Variants in DPP6 observed in about 807,000 individuals in gnomAD.
DPP6 encodes the protein A-type potassium channel modulatory protein DPP6.
Under a neutral mutation model 122.6 loss-of-function variants are expected in DPP6, and 69 were observed. The observed-to-expected ratio is 0.56, with a 90% CI of 0.46 to 0.69. The LOEUF is 0.69. Among genes scored for constraint, DPP6 ranks in the 30% least tolerant of loss-of-function variants. The probability of loss-of-function intolerance (pLI) is 0.00; values close to 1 mark genes in which losing one functional copy is unlikely to be tolerated. For missense variants in DPP6, 928 were observed against 1,116.9 expected, an observed-to-expected ratio of 0.83 and a Z score of 2.41; for synonymous variants, 418 against 433.1, an observed-to-expected ratio of 0.97 and a Z score of 0.43.
Position 154,880,879 on chromosome 7 carries a change from A to G in DPP6, c.2079-9A>G. On this transcript the variant is annotated splice_polypyrimidine_tract_variant and intron_variant, in intron 20 of 25. Transcript: ENST00000377770. ...CACTGAACCCTCTTTCCCCTCCTCG[A>G]CCTCACAGGACGATGCTGAAGGAGC... The G allele has an allele frequency of 2.5e-6, 4 of 1,613,912 alleles. No individual in the cohort carries two copies. The highest frequency in any genetic ancestry group is 2.5e-6 in the Non-Finnish European group (3 of 1,179,876).
rs368487868 is a variant in DPP6, at chr7:154,024,112, T to C, written c.51+136378T>C. On this transcript the variant is annotated intron_variant, in intron 1 of 25. Transcript: ENST00000404039. ...TAATTTCCTTCTCAGCTGTAAAATATCTCTTTATAAGAGGTGTGGGCGAGA... is the reference window on the plus strand; with the variant it reads ...TAATTTCCTTCTCAGCTGTAAAATACCTCTTTATAAGAGGTGTGGGCGAGA... 5.9e-5 allele frequency among the ~76,000 whole-genome samples: 9 copies of C among 152,288 alleles called. No homozygotes were observed. The East Asian group carries it at 9.7e-4, about 16-fold the overall frequency.
At chr7:153,916,412 TCCTCCCCTCCCCTCC>T (rs940975832) in intron 1 of DPP6, among the ~76,000 whole-genome samples, 1 of 83,050 alleles carries the variant, frequency 1.2e-5, no homozygotes, top group African/African-American at 4.8e-5. Flanking sequence ...CCCTCCTCTC[TCCTCCCCTCCCCTCC>T]CCTCTTCGAA....
intron 17 of DPP6, among the ~76,000 whole-genome samples, chr7:154,864,546 C>CA (rs1179781944): frequency 6.6e-6 from 1 of 152,200 alleles, no homozygotes; most frequent in East Asian, 1.9e-4. Context: ...AAAAGTCCTT[C>CA]AGGGAATATG....
At chr7:154,554,676 G>C (rs1829887528) in intron 4 of DPP6, among the ~76,000 whole-genome samples, 1 of 152,094 alleles carries the variant, frequency 6.6e-6, no homozygotes, top group African/African-American at 2.4e-5. Flanking sequence ...ATTTAAACTT[G>C]TGTTATTGAT....
the DPP6 span, among the ~76,000 whole-genome samples, chr7:153,812,616 C>T: frequency 7.9e-5 from 12 of 152,248 alleles, no homozygotes; most frequent in Admixed American, 7.2e-4. Context: ...ATGAATGAGT[C>T]AAAGCTCTAC....
chr7:154,630,979 T>C (rs1305212849), intron 5 of DPP6, among the ~76,000 whole-genome samples: 1 of 151,968 alleles, frequency 6.6e-6, no homozygotes, highest in African/African-American at 2.4e-5. Context: ...AAATTTCACC[T>C]AAAAAAAAGA....
chr7:154,384,141 C>T (rs545659077), intron 1 of DPP6, among the ~76,000 whole-genome samples: 13 of 152,138 alleles, frequency 8.5e-5, no homozygotes, highest in South Asian at 4.2e-4. Flanking sequence ...GAGACTGGAG[C>T]GCTAAGAGCG....
intron 6 of DPP6, among the ~76,000 whole-genome samples, chr7:154,668,330 C>A (rs112432814): frequency 0.11 from 16,819 of 149,212 alleles, 1,013 homozygotes; most frequent in African/African-American, 0.14. Context: ...ACGCCATTCT[C>A]CTGCCTCAGC....
intron 1 of DPP6, among the ~76,000 whole-genome samples, chr7:154,090,916 C>G (rs534338789): frequency 1.0e-4 from 15 of 148,830 alleles, no homozygotes; most frequent in East Asian, 9.8e-4. Flanking sequence ...GTCAGGAGAT[C>G]GAGACCATCC....
intron 5 of DPP6, among the ~76,000 whole-genome samples, chr7:154,601,067 C>T (rs143876250): frequency 0.022 from 2,595 of 120,294 alleles, 500 homozygotes; most frequent in African/African-American, 0.064. Context: ...GCAACAAGAG[C>T]GAAACTCCAT....
chr7:154,371,587 G>T (rs1812681597), intron 1 of DPP6, among the ~76,000 whole-genome samples: 2 of 152,224 alleles, frequency 1.3e-5, no homozygotes, highest in South Asian at 4.2e-4. Context: ...CCCACTTGCA[G>T]ACTGGCCCTG....
the DPP6 span, among the ~76,000 whole-genome samples, chr7:153,857,242 AT>A: frequency 6.6e-6 from 1 of 151,626 alleles, no homozygotes; most frequent in African/African-American, 2.4e-5. Flanking sequence ...GTTAAGCACA[AT>A]TTTTAATAGT....
intron 1 of DPP6, among the ~76,000 whole-genome samples, chr7:154,213,025 A>G (rs1799819899): frequency 2.0e-5 from 3 of 152,202 alleles, no homozygotes; most frequent in African/African-American, 7.2e-5. Context: ...GGAAACAGAC[A>G]AAGACCAGAC....
chr7:153,777,289 TG>T, the DPP6 span, among the ~76,000 whole-genome samples: 2 of 152,032 alleles, frequency 1.3e-5, no homozygotes, highest in African/African-American at 4.8e-5. Context: ...TCTTTACTTG[TG>T]GTAATGCAAA....
intron 1 of DPP6, among the ~76,000 whole-genome samples, chr7:154,420,919 C>T (rs286828): frequency 0.87 from 132,356 of 152,198 alleles, 58,884 homozygotes; most frequent in East Asian, 1. Context: ...ACAATGCTGG[C>T]ATTTTGCACT....
chr7:153,805,013 C>T, the DPP6 span, among the ~76,000 whole-genome samples: 1 of 152,138 alleles, frequency 6.6e-6, no homozygotes, highest in East Asian at 1.9e-4. Context: ...GAAAAGCCAA[C>T]CCTGGATGTG....
chr7:154,535,215 A>AT (rs1180793456), intron 3 of DPP6, among the ~76,000 whole-genome samples: 3 of 152,224 alleles, frequency 2.0e-5, no homozygotes, highest in African/African-American at 7.2e-5. Context: ...TGTCTAAAAG[A>AT]TAACTAAAAT....
intron 7 of DPP6, among the ~76,000 whole-genome samples, chr7:154,671,864 G>GCACACA (rs1271644551): frequency 2.2e-4 from 16 of 73,464 alleles, no homozygotes; most frequent in African/African-American, 6.1e-4. Flanking sequence ...ACACACACAT[G>GCACACA]CACACACACA....
the DPP6 span, among the ~76,000 whole-genome samples, chr7:153,803,128 C>T: frequency 4.0e-5 from 6 of 151,710 alleles, no homozygotes; most frequent in Non-Finnish European, 5.9e-5. Flanking sequence ...TCCCCTTCTC[C>T]ACACTGGCTT....
Sources: allele counts gnomAD v4.1 joint callset (sites outside exome capture counted in the v4.1 genomes callset), GRCh38; gene constraint gnomAD v4.1.1; transcripts MANE v1.5; gene names NCBI Gene and HGNC (gene_info 2026-07-23, HGNC 2026-07-21).